Variants in MCC observed in about 807,000 individuals in gnomAD.
MCC encodes the protein colorectal mutant cancer protein.
Under a neutral mutation model 116.2 loss-of-function variants are expected in MCC, and 90 were observed. The observed-to-expected ratio is 0.77, with a 90% confidence interval of 0.65 to 0.92. The LOEUF (loss-of-function observed/expected upper bound fraction) is 0.92, where lower values mean the gene tolerates loss of function less well. Among genes scored for constraint, MCC ranks in the 40% least tolerant of loss-of-function variants. The probability of loss-of-function intolerance (pLI) is 0.00; values close to 1 mark genes in which losing one functional copy is unlikely to be tolerated. For missense variants in MCC, 1,516 were observed against 1,312.2 expected (o/e 1.16, Z -2.40); for synonymous variants, 578 against 510.5 (o/e 1.13, Z -1.78).
At chr5:113,433,871 C>T (rs765480187) in intron 1 of MCC, 2 of 1,613,998 alleles carry the variant, frequency 1.2e-6, no homozygotes, top group South Asian at 2.2e-5. Context: ...TTGTCTCAGG[C>T]TGTGCCTGGG....
At chr5:113,228,160 T>G (rs1233167007) in intron 3 of MCC, among the ~76,000 whole-genome samples, 1 of 152,220 alleles carries the variant, frequency 6.6e-6, no homozygotes, top group Non-Finnish European at 1.5e-5. Context: ...TCTGAATAGG[T>G]ACAGGGCCTG....
At chr5:113,161,967 G>A (rs1561415955) in intron 3 of MCC, among the ~76,000 whole-genome samples, 1 of 152,206 alleles carries the variant, frequency 6.6e-6, no homozygotes, top group Non-Finnish European at 1.5e-5. Flanking sequence ...TCACCACAGG[G>A]CTGCTGACGG....
intron 3 of MCC, among the ~76,000 whole-genome samples, chr5:113,315,569 TA>T (rs924033862): frequency 9.9e-5 from 15 of 151,840 alleles, no homozygotes; most frequent in African/African-American, 2.7e-4. Context: ...TGCTCCTTTT[TA>T]AAAAAAATGA....
At chr5:113,291,899 T>C (rs1402957256) in intron 3 of MCC, among the ~76,000 whole-genome samples, 1 of 152,180 alleles carries the variant, frequency 6.6e-6, no homozygotes, top group African/African-American at 2.4e-5. Context: ...CCATGTTAAA[T>C]TGAACTGAGA....
intron 2 of MCC, among the ~76,000 whole-genome samples, chr5:113,342,614 C>A (rs142088519): frequency 6.6e-6 from 1 of 152,220 alleles, no homozygotes. Flanking sequence ...GGGAAAGCTT[C>A]CTGGAGGAGA....
intron 1 of MCC, among the ~76,000 whole-genome samples, chr5:113,426,048 C>A (rs532326035): frequency 6.6e-6 from 1 of 152,074 alleles, no homozygotes; most frequent in East Asian, 1.9e-4. Flanking sequence ...CAGGCCAGGT[C>A]CTCAAGGGAC....
chr5:113,101,964 A>C lies in MCC; in HGVS notation c.1192-19T>G. ...CGACTGTCTGTAAAACACAGCCCCAAAGAAAAGTCAAGTAAGTTACCTTGG... is the reference window on the plus strand; with the variant it reads ...CGACTGTCTGTAAAACACAGCCCCACAGAAAAGTCAAGTAAGTTACCTTGG... On this transcript the variant is annotated intron_variant, in intron 7 of 18. Transcript: ENST00000408903. 1 of 1,613,070 alleles carries C rather than the reference A, an allele frequency of 6.2e-7. No individual in the cohort carries two copies. Among genetic ancestry groups the C allele is most frequent in the Non-Finnish European group, 8.5e-7 (1 of 1,179,198 alleles).
rs572776631 is a variant in MCC, at chr5:113,090,439, TGTTTTCTTCCAACTCTAG to T, written c.1399-5147_1399-5130del. On this transcript the variant is annotated intron_variant, in intron 8 of 18. Coordinates refer to ENST00000408903, the MANE Select transcript of MCC (RefSeq NM_001085377.2). ...GAAGACAGTAGACTGAAGAACACAT[TGTTTTCTTCCAACTCTAG>T]AGACCTCAATAAATAATAGTACAAA... 1.0e-3 allele frequency among the ~76,000 whole-genome samples: 156 copies of T among 151,834 alleles called. 2 individuals carry two copies. The East Asian group carries it at 0.028, about 27-fold the overall frequency.
At chr5:113,053,272 C>T (rs1752601407) in intron 15 of MCC, among the ~76,000 whole-genome samples, 2 of 152,224 alleles carry the variant, frequency 1.3e-5, no homozygotes, top group South Asian at 2.1e-4. Context: ...TGAGCAGGCT[C>T]GACATTGCAC....
chr5:113,175,001 T>C (rs886702169), intron 3 of MCC, among the ~76,000 whole-genome samples: 3 of 152,228 alleles, frequency 2.0e-5, no homozygotes, highest in African/African-American at 4.8e-5. Context: ...TGAGCTTAGA[T>C]GGGTATTGAA....
rs2150204844 is a variant in MCC, at chr5:113,027,421, C to G, written c.2941G>C (p.Glu981Gln). 3 of 1,614,244 alleles carry G rather than the reference C, an allele frequency of 1.9e-6. No homozygotes were observed. The highest frequency in any genetic ancestry group is 4.5e-5 in the East Asian group (2 of 44,896). The change falls in exon 19 of 19, where the codon GAG (glutamate) becomes CAG (glutamine). Residue 981 changes from glutamate to glutamine, a missense_variant. Coordinates refer to ENST00000408903, the MANE Select transcript of MCC (RefSeq NM_001085377.2). ...KKHQNKLKKL[E>Q]SQMMAMVERH... ...TCCACCATGGCCATCATCTGCGACT[C>G]TAACTTCTTCAGTTTGTTTTGATGC...
chr5:113,137,140 T>A (rs2150281948), intron 5 of MCC, among the ~76,000 whole-genome samples: 1 of 152,216 alleles, frequency 6.6e-6, no homozygotes, highest in Middle Eastern at 3.4e-3. Context: ...TCAGAAAACT[T>A]ATAATCATGG....
chr5:113,378,202 CT>C (rs1200206442), intron 2 of MCC, among the ~76,000 whole-genome samples: 2 of 152,190 alleles, frequency 1.3e-5, no homozygotes, highest in Non-Finnish European at 2.9e-5. Context: ...TACTTCCTCC[CT>C]TGGGCTTGTG....
chr5:113,031,961 C>T (rs1006583076), intron 17 of MCC, among the ~76,000 whole-genome samples: 7 of 152,118 alleles, frequency 4.6e-5, no homozygotes, highest in African/African-American at 9.7e-5. Context: ...TGGGAGTGAA[C>T]CGCTGGGAGA....
At chr5:113,149,418 C>G (rs1213301011) in intron 4 of MCC, among the ~76,000 whole-genome samples, 1 of 151,686 alleles carries the variant, frequency 6.6e-6, no homozygotes, top group East Asian at 1.9e-4. Flanking sequence ...TTTTTTATTT[C>G]AGTATGAAAT....
chr5:113,440,359 C>CT (rs1347422326), intron 1 of MCC, among the ~76,000 whole-genome samples: 3 of 152,274 alleles, frequency 2.0e-5, no homozygotes, highest in Admixed American at 1.3e-4. Context: ...CTCAGACACT[C>CT]TACTTCAGTT....
At chr5:113,471,733 C>T (rs533301694) in intron 1 of MCC, among the ~76,000 whole-genome samples, 1 of 120,238 alleles carries the variant, frequency 8.3e-6, no homozygotes, top group Admixed American at 9.3e-5. Context: ...GAGGTTACTG[C>T]TGTCTTTTTG....
chr5:113,340,575 G>C lies in MCC; in HGVS notation c.571C>G (p.Gln191Glu). 1 of 1,614,186 alleles carries C rather than the reference G, an allele frequency of 6.2e-7. No individual in the cohort carries two copies. Among genetic ancestry groups the C allele is most frequent in the South Asian group, 1.1e-5 (1 of 91,082 alleles). ...QQAALHKLLT[Q>E]SPHIGNSVGG... ...ACAGAGTTGCCAATGTGCGGGGACT[G>C]TGTGAGCAGTTTGTGGAGAGCAGCC... The change falls in exon 3 of 19, where the codon CAG becomes GAG. Residue 191 changes from glutamine to glutamate, a missense_variant. Physicochemically the swap from Gln to Glu is conservative, Grantham distance 29 (BLOSUM62 2). Coordinates refer to ENST00000408903, the MANE Select transcript of MCC (RefSeq NM_001085377.2).
At chr5:113,362,933 T>C (rs1161557006) in intron 2 of MCC, among the ~76,000 whole-genome samples, 6 of 152,112 alleles carry the variant, frequency 3.9e-5, no homozygotes, top group Non-Finnish European at 8.8e-5. Context: ...TATGTTATGT[T>C]AAAAACTTCC....
Sources: gnomAD v4.1 joint callset for allele counts (sites outside exome capture counted in the v4.1 genomes callset) on GRCh38, gnomAD v4.1.1 for gene constraint, MANE v1.5 for transcripts, NCBI Gene and HGNC (gene_info 2026-07-23, HGNC 2026-07-21) for gene names.